PRKCH: variants seen among roughly 807,000 people sequenced by gnomAD.
The protein encoded by PRKCH is protein kinase C eta type.
PRKCH carries 28 observed loss-of-function variants against 82.5 expected under a neutral mutation model. That is an observed-to-expected ratio of 0.34 (90% CI 0.25 to 0.47). The LOEUF (loss-of-function observed/expected upper bound fraction) is 0.47, where lower values mean the gene tolerates loss of function less well. Among genes scored for constraint, PRKCH ranks in the 20% least tolerant of loss-of-function variants. The pLI, the probability that PRKCH is intolerant of heterozygous loss-of-function variation, is 1.00. For missense variants in PRKCH, 705 were observed against 881.8 expected, an observed-to-expected ratio of 0.80 and a Z score of 2.54; for synonymous variants, 322 against 327.4, an observed-to-expected ratio of 0.98 and a Z score of 0.18.
chr14:61,220,097 G>A (rs1005580931), intron 1 of PRKCH, among the ~76,000 whole-genome samples: 1 of 152,150 alleles, frequency 6.6e-6, no homozygotes, highest in African/African-American at 2.4e-5. Context: ...CCCTGGGAAG[G>A]CAGACAGTCC....
At chr14:61,339,622 C>CTTTTTTTTTT in intron 1 of PRKCH, among the ~76,000 whole-genome samples, 1 of 60,030 alleles carries the variant, frequency 1.7e-5, no homozygotes, top group Non-Finnish European at 3.0e-5. Flanking sequence ...CAAGCCCGGC[C>CTTTTTTTTTT]TTTTTTTTTT....
At chr14:61,396,081 G>A (rs1488434873) in intron 2 of PRKCH, among the ~76,000 whole-genome samples, 128 of 120,346 alleles carry the variant, frequency 1.1e-3, no homozygotes, top group African/African-American at 1.8e-3. Context: ...CCTTGTTTCA[G>A]AAAAAAAAAA....
intron 10 of PRKCH, among the ~76,000 whole-genome samples, chr14:61,493,521 A>G (rs1036592267): frequency 6.6e-6 from 1 of 152,214 alleles, no homozygotes; most frequent in Non-Finnish European, 1.5e-5. Flanking sequence ...GAAATACAGT[A>G]TTACAAGTGG....
intron 1 of PRKCH, among the ~76,000 whole-genome samples, chr14:61,385,559 G>A (rs2046575209): frequency 6.6e-6 from 1 of 152,190 alleles, no homozygotes; most frequent in Non-Finnish European, 1.5e-5. Flanking sequence ...AAAGGGCACT[G>A]TCACTGTCAA....
At chr14:61,517,110 T>A (rs559917168) in intron 10 of PRKCH, among the ~76,000 whole-genome samples, 41 of 152,138 alleles carry the variant, frequency 2.7e-4, no homozygotes, top group Non-Finnish European at 5.4e-4. Flanking sequence ...CCTCTGATAC[T>A]GTGTAAGGCA....
chr14:61,263,186 C>T (rs2045065450), intron 1 of PRKCH, among the ~76,000 whole-genome samples: 1 of 152,166 alleles, frequency 6.6e-6, no homozygotes, highest in Admixed American at 6.6e-5. Flanking sequence ...TCCCTTATTC[C>T]CTCTCATTCA....
At chr14:61,538,851 G>A (rs1265114488) in intron 12 of PRKCH, among the ~76,000 whole-genome samples, 1 of 152,214 alleles carries the variant, frequency 6.6e-6, no homozygotes, top group Non-Finnish European at 1.5e-5. Context: ...GCGCATCCAG[G>A]ATAAAGAAGG....
intron 1 of PRKCH, among the ~76,000 whole-genome samples, chr14:61,263,802 A>C (rs1018715999): frequency 2.0e-5 from 3 of 151,886 alleles, no homozygotes; most frequent in African/African-American, 7.3e-5. Context: ...AATTTAGAAT[A>C]TACGAGCAGG....
Position 61,280,314 on chromosome 14 carries a change from C to T in PRKCH, c.-19+92646C>T, listed in dbSNP as rs771672112. 1 of 1,613,876 alleles carries T rather than the reference C, an allele frequency of 6.2e-7. No individual in the cohort carries two copies. The highest frequency in any genetic ancestry group is 8.5e-7 in the Non-Finnish European group (1 of 1,179,970). ...TGTTGACGCGGTAGGCGCCCCGCGGCAGCCCGGCCGAGTAGTTGCCCTGGC... is the reference window on the plus strand; with the variant it reads ...TGTTGACGCGGTAGGCGCCCCGCGGTAGCCCGGCCGAGTAGTTGCCCTGGC... On this transcript the variant is annotated intron_variant, in intron 1 of 3. Coordinates refer to the PRKCH transcript ENST00000555185. This position sits in a 1 kb window ranked among gnomAD's most constrained non-coding sequence, Gnocchi z 5.0.
intron 1 of PRKCH, among the ~76,000 whole-genome samples, chr14:61,236,651 G>A (rs767680592): frequency 9.9e-5 from 14 of 141,258 alleles, no homozygotes; most frequent in African/African-American, 2.1e-4. Flanking sequence ...AGGTTGCAGC[G>A]AGCTGAGATC....
At chr14:61,341,247 T>C (rs2045927221) in intron 1 of PRKCH, among the ~76,000 whole-genome samples, 1 of 152,208 alleles carries the variant, frequency 6.6e-6, no homozygotes, top group African/African-American at 2.4e-5. Flanking sequence ...TAAGTACTAA[T>C]GGACAGACTA....
intron 2 of PRKCH, among the ~76,000 whole-genome samples, chr14:61,433,395 A>G (rs965125588): frequency 9.9e-5 from 15 of 152,238 alleles, no homozygotes; most frequent in Non-Finnish European, 1.9e-4. Flanking sequence ...GGGAAATGGA[A>G]TAAGCCAAAC....
intron 1 of PRKCH, among the ~76,000 whole-genome samples, chr14:61,325,324 G>A (rs1235579204): frequency 6.6e-6 from 1 of 152,188 alleles, no homozygotes; most frequent in African/African-American, 2.4e-5. Flanking sequence ...ACACATATAT[G>A]ACCCACTGAT....
intron 1 of PRKCH, among the ~76,000 whole-genome samples, chr14:61,188,389 G>A (rs995921844): frequency 4.6e-5 from 7 of 152,176 alleles, no homozygotes; most frequent in Admixed American, 3.9e-4. Context: ...AGGAAGGCTG[G>A]CCCGCGGCTC....
chr14:61,250,617 A>G (rs2044937238), intron 1 of PRKCH, among the ~76,000 whole-genome samples: 1 of 152,212 alleles, frequency 6.6e-6, no homozygotes, highest in Admixed American at 6.5e-5. Flanking sequence ...TGGAGAACAC[A>G]GGATTTTTAG....
chr14:61,368,491 A>G (rs1484825837), intron 1 of PRKCH, among the ~76,000 whole-genome samples: 3 of 152,046 alleles, frequency 2.0e-5, no homozygotes, highest in African/African-American at 7.3e-5. Context: ...AACTGCGAGG[A>G]AAGGCTTTAC....
chr14:61,266,577 A>C (rs1566799907), intron 1 of PRKCH, among the ~76,000 whole-genome samples: 1 of 152,218 alleles, frequency 6.6e-6, no homozygotes, highest in Non-Finnish European at 1.5e-5. Flanking sequence ...AAACATAGGA[A>C]AATCATTCAT....
rs779006594 is a variant in PRKCH at position 61,453,350 on chromosome 14, C to A, written c.957C>A (p.Thr319=). The A allele has an allele frequency of 6.2e-7, 1 of 1,611,662 alleles. No homozygotes were observed. The highest frequency in any genetic ancestry group is 1.3e-5 in the African/African-American group (1 of 74,808). ...MGLQPGNISP[T]SKLVSRSTLR... is the part of the protein sequence containing the mutation. ...TCCAACCCGGAAATATTTCTCCAAC[C>A]TCGGTGAGACTTTGCTTTTTTTCCA... The change falls in exon 7 of 14, where the codon ACC becomes ACA. Residue 319 remains threonine (T), a synonymous_variant. Transcript: ENST00000332981.
At chr14:61,232,111 C>T (rs945696376) in intron 1 of PRKCH, among the ~76,000 whole-genome samples, 1 of 152,242 alleles carries the variant, frequency 6.6e-6, no homozygotes, top group Non-Finnish European at 1.5e-5. Flanking sequence ...TTGCTTCTGA[C>T]CCATCTGCTA....
Sources: allele counts gnomAD v4.1 joint callset (sites outside exome capture counted in the v4.1 genomes callset), GRCh38; gene constraint gnomAD v4.1.1; non-coding constraint Gnocchi (gnomAD v3.1); transcripts MANE v1.5; gene names NCBI Gene and HGNC (gene_info 2026-07-23, HGNC 2026-07-21).